PEG3: variants seen among roughly 807,000 people sequenced by gnomAD.
PEG3 encodes paternally expressed 3.
PEG3 carries 23 observed loss-of-function variants against 35.5 expected under a neutral mutation model. The ratio of observed to expected loss-of-function variants is 0.65; its 90% CI spans 0.47 to 0.92. The LOEUF (loss-of-function observed/expected upper bound fraction) is 0.92. Ranked by LOEUF, PEG3 falls within the 40% of genes least tolerant of loss-of-function variation. The probability of loss-of-function intolerance (pLI) is 0.00; values close to 1 mark genes in which losing one functional copy is unlikely to be tolerated. For missense variants in PEG3, 1,960 were observed against 1,985.3 expected (o/e 0.99, Z 0.24); for synonymous variants, 707 against 697.0 (o/e 1.01, Z -0.23).
chr19:56,825,525 A>G (rs1214238252), intron 3 of PEG3, among the ~76,000 whole-genome samples: 1 of 151,870 alleles, frequency 6.6e-6, no homozygotes, highest in Non-Finnish European at 1.5e-5. Context: ...CATTTTTTAA[A>G]CTTTTGAGAT....
chr19:56,827,350 A>G (rs1568692092), intron 2 of PEG3, among the ~76,000 whole-genome samples: 1 of 152,238 alleles, frequency 6.6e-6, no homozygotes, highest in Non-Finnish European at 1.5e-5. Context: ...CCAGGCCAAT[A>G]GAACTTGGCC....
At chr19:56,818,480 T>G in intron 8 of PEG3, 120 bp downstream of exon 8, 4 of 1,072,844 alleles carry the variant, frequency 3.7e-6, no homozygotes, top group Admixed American at 2.7e-5. Context: ...CAAAGATTTC[T>G]TATTACCCTT....
intron 2 of PEG3, 37 bp from the exon 3 acceptor site, chr19:56,826,500 G>A (rs1379000130): frequency 1.3e-5 from 2 of 152,318 alleles, no homozygotes; most frequent in African/African-American, 4.8e-5. Context: ...CACAGACTAA[G>A]AATATGAAAG....
intron 1 of PEG3, among the ~76,000 whole-genome samples, chr19:56,836,391 G>A (rs185992939): frequency 1.8e-3 from 281 of 152,230 alleles, no homozygotes; most frequent in African/African-American, 6.5e-3. Flanking sequence ...CTAGATTAAG[G>A]AATCAATTCA....
rs1323734899 is a variant in PEG3 at position 56,813,603 on chromosome 19, T to G, written c.*72A>C. Reference sequence around the variant, plus strand: ...GTCTCCTACTGACATTATCATGGATTGGTTTGGATTCTCTGTGGTTTGGTA... The same window carrying G: ...GTCTCCTACTGACATTATCATGGATGGGTTTGGATTCTCTGTGGTTTGGTA... On this transcript the variant is annotated 3_prime_UTR_variant, in exon 10 of 10. Transcript: ENST00000326441. 1.3e-6 allele frequency: 2 copies of G among 1,518,044 alleles called. No individual in the cohort carries two copies. Among genetic ancestry groups the G allele is most frequent in the Non-Finnish European group, 1.8e-6 (2 of 1,130,326 alleles). 94.0% of individuals were successfully genotyped at this position (1,518,044 alleles called of 1,614,324 possible). A position where few individuals can be genotyped will look rare whatever the true frequency, so the allele number is the denominator to read the frequency against.
intron 1 of PEG3, among the ~76,000 whole-genome samples, chr19:56,837,187 C>T (rs969930089): frequency 7.2e-5 from 11 of 152,150 alleles, no homozygotes; most frequent in Admixed American, 5.2e-4. Context: ...AGCTGGGCAG[C>T]CCTCTAGCGG....
chr19:56,820,310 G>C (rs1483993309), intron 7 of PEG3, among the ~76,000 whole-genome samples: 2 of 152,242 alleles, frequency 1.3e-5, no homozygotes, highest in Non-Finnish European at 2.9e-5. Context: ...AATGTAATTT[G>C]TGTCATTTGC....
rs1156449199 is a variant in PEG3 at position 56,810,125 on chromosome 19, G to C, written c.*3550C>G. The C allele has an allele frequency of 2.1e-6, 2 of 960,626 alleles. No individual in the cohort carries two copies. Among genetic ancestry groups the C allele is most frequent in the Admixed American group, 1.2e-4 (2 of 16,222 alleles). The allele number at this position is 960,626 out of a possible 1,614,324, so 59.5% of individuals were successfully genotyped here. ...TTTATTGTTGACACTATTACAGATA[G>C]AATGACCACAACCATATTAACAAAC... On this transcript the variant is annotated 3_prime_UTR_variant, in exon 10 of 10. Transcript: ENST00000326441.
chr19:56,814,503 G>T lies in PEG3; in HGVS notation c.3939C>A (p.Ser1313=). 1 of 1,613,448 alleles carries T rather than the reference G, an allele frequency of 6.2e-7. No homozygotes were observed. The highest frequency in any genetic ancestry group is 1.1e-5 in the South Asian group (1 of 91,064). The change falls in exon 10 of 10, where the codon TCC becomes TCA. Residue 1313 remains serine, a synonymous_variant. Transcript: ENST00000326441. This position sits in a 1 kb window ranked among gnomAD's most constrained non-coding sequence, Gnocchi z 5.8. ...VHKNEPYEYG[S]SYTHTSFLTE... ...TAAGAAATGAGGTGTGAGTATAGGA[G>T]GACCCGTACTCATAGGGCTCATTCT... is the stretch of plus-strand genomic sequence containing the variant.
At chr19:56,830,771 G>A (rs367959723) in intron 2 of PEG3, among the ~76,000 whole-genome samples, 2 of 149,996 alleles carry the variant, frequency 1.3e-5, no homozygotes, top group Non-Finnish European at 2.9e-5. Flanking sequence ...AAAATTTACA[G>A]AAGGAACACA....
rs376586938 is a variant in PEG3, at chr19:56,815,358, T to C, written c.3084A>G (p.Gln1028=). The C allele has an allele frequency of 4.3e-6, 7 of 1,613,368 alleles. No homozygotes were observed. In the African/African-American group the frequency reaches 6.7e-5, roughly 15 times the overall value. Reference sequence around the variant, plus strand: ...TGAAGTCCTTACATTTGTTCCGCGCTTGCTCTTTAGCATACTGCTCTTGGG... The same window carrying C: ...TGAAGTCCTTACATTTGTTCCGCGCCTGCTCTTTAGCATACTGCTCTTGGG... The part of the protein sequence containing the change: ...SYAQEQYAKE[Q]ARNKCKDFRQ... The change falls in exon 10 of 10, where the codon CAA becomes CAG. Residue 1028 remains glutamine, a synonymous_variant. Coordinates refer to ENST00000326441, the MANE Select transcript of PEG3 (RefSeq NM_006210.3).
intron 2 of PEG3, among the ~76,000 whole-genome samples, chr19:56,831,933 T>A (rs937751216): frequency 6.6e-6 from 1 of 152,212 alleles, no homozygotes; most frequent in African/African-American, 2.4e-5. Context: ...AAAGCAAAGC[T>A]ATAGATGGAG....
chr19:56,824,461 G>C lies in PEG3; in HGVS notation c.195C>G (p.Ile65Met), dbSNP rs148324200. 6.2e-7 allele frequency: 1 copy of C among 1,613,984 alleles called. No individual in the cohort carries two copies. The highest frequency in any genetic ancestry group is 8.5e-7 in the Non-Finnish European group (1 of 1,180,036). Reference sequence around the variant, plus strand: ...AATCGAGGCAGAGGTTTCGGAGTTTGATCAGGGTCTTCCGAGGCCCAACAA... The same window carrying C: ...AATCGAGGCAGAGGTTTCGGAGTTTCATCAGGGTCTTCCGAGGCCCAACAA... ...VEFVGPRKTL[I>M]KLRNLCLDWL... The change falls in exon 4 of 10, where the codon ATC becomes ATG. Residue 65 changes from isoleucine to methionine, a missense_variant. Physicochemically the swap from Ile to Met is conservative, Grantham distance 10 (BLOSUM62 1). Transcript: ENST00000326441.
At position 56,821,683 on chromosome 19, in the gene PEG3, T is replaced by G. The variant is rs1278222279; in HGVS notation, c.637A>C (p.Arg213=). 5 of 1,614,044 alleles carry G rather than the reference T, an allele frequency of 3.1e-6. No individual in the cohort carries two copies. In the South Asian group the frequency reaches 5.5e-5, roughly 18 times the overall value. ...CGGGACTCATAAGCCCTGGAGTCCC[T>G]GTCGTCCTCTCTGTCCATTTCAAAG... is the stretch of plus-strand genomic sequence containing the variant. The part of the protein sequence containing the change: ...TSFEMDREDD[R]DSRAYESRSQ... Residue 213 remains arginine, a synonymous_variant, in exon 7 of 10, where the codon AGG becomes CGG. Transcript: ENST00000326441.
Position 56,817,819 on chromosome 19 carries a change from G to A in PEG3, c.789C>T (p.Asp263=), listed in dbSNP as rs142177720. The change falls in exon 9 of 10, where the codon GAC becomes GAT. Residue 263 remains aspartate, a synonymous_variant. Transcript: ENST00000326441. ...CCTGCGTCATGTGGGAGTGGCCATCGTCTTCAGCAAGCTGCACTCCTGGTC... is the reference window on the plus strand; with the variant it reads ...CCTGCGTCATGTGGGAGTGGCCATCATCTTCAGCAAGCTGCACTCCTGGTC... ...KLLSLVQLAE[D]DGHSHMTQGH... The A allele has an allele frequency of 2.0e-5, 33 of 1,613,956 alleles. No individual in the cohort carries two copies. Among genetic ancestry groups the A allele is most frequent in the East Asian group, 1.8e-4 (8 of 44,862 alleles).
intron 3 of PEG3, among the ~76,000 whole-genome samples, chr19:56,825,717 A>AACTACCTACTGGCTTT (rs2060960543): frequency 6.6e-6 from 1 of 152,204 alleles, no homozygotes; most frequent in Admixed American, 6.5e-5. Context: ...TGGGAGCATA[A>AACTACCTACTGGCTTT]ACTACCTACT....
Position 56,812,485 on chromosome 19 carries a change from G to A in PEG3, c.*1190C>T. The A allele has an allele frequency of 1.0e-6, 1 of 985,114 alleles. No homozygotes were observed. The highest frequency in any genetic ancestry group is 1.7e-5 in the African/African-American group (1 of 57,278). 61.0% of individuals were successfully genotyped at this position (985,114 alleles called of 1,614,324 possible). On this transcript the variant is annotated 3_prime_UTR_variant, in exon 10 of 10. Coordinates refer to ENST00000326441, the MANE Select transcript of PEG3 (RefSeq NM_006210.3). Reference sequence around the variant, plus strand: ...TCAGATAAATAACGAAGAGAATTAAGTTAGCGATAGAAAGATCTAAGGATA... The same window carrying A: ...TCAGATAAATAACGAAGAGAATTAAATTAGCGATAGAAAGATCTAAGGATA...
chr19:56,812,998 G>C lies in PEG3; in HGVS notation c.*677C>G, dbSNP rs1759259011. 18 of 985,740 alleles carry C rather than the reference G, an allele frequency of 1.8e-5. No individual in the cohort carries two copies. The highest frequency in any genetic ancestry group is 2.2e-5 in the Non-Finnish European group (18 of 829,874). 61.1% of individuals were successfully genotyped at this position (985,740 alleles called of 1,614,324 possible). A position where few individuals can be genotyped will look rare whatever the true frequency, so the allele number is the denominator to read the frequency against. On this transcript the variant is annotated 3_prime_UTR_variant, in exon 10 of 10. Transcript: ENST00000326441. ...GCAGATGAAATGGCTGCAGAAAGAA[G>C]CTAAAGTACTTATCTTTTCAAACAG...
In PEG3 at chr19:56,814,875, C is replaced by T. The variant is rs1399685506; in HGVS notation, c.3567G>A (p.Gln1189=). The stretch of plus-strand genomic sequence containing the variant: ...CATCACACCCCTTCATGGAATACAA[C>T]TGGTCTTGTTCATGGATTCTCTGAT... ...FEHQRIHEQD[Q]LYSMKGCDDG... The change falls in exon 10 of 10, where the codon CAG becomes CAA. Residue 1189 remains glutamine (Q), a synonymous_variant. Transcript: ENST00000326441. This position sits in a 1 kb window ranked among gnomAD's most constrained non-coding sequence, Gnocchi z 5.8. 3.1e-6 allele frequency: 5 copies of T among 1,614,058 alleles called. No homozygotes were observed. Among genetic ancestry groups the T allele is most frequent in the Non-Finnish European group, 4.2e-6 (5 of 1,180,036 alleles).
Sources: gnomAD v4.1 joint callset for allele counts (sites outside exome capture counted in the v4.1 genomes callset) on GRCh38, gnomAD v4.1.1 for gene constraint, Gnocchi (gnomAD v3.1) non-coding constraint, MANE v1.5 for transcripts, NCBI Gene and HGNC (gene_info 2026-07-23, HGNC 2026-07-21) for gene names.